TAOK2: variants seen among roughly 807,000 people sequenced by gnomAD.
TAOK2 encodes serine/threonine-protein kinase TAO2.
A neutral mutation model predicts 122.5 loss-of-function variants in TAOK2; 42 were observed. That is an observed-to-expected ratio of 0.34 (90% confidence interval 0.27 to 0.44). The LOEUF (loss-of-function observed/expected upper bound fraction) is 0.44, where lower values mean the gene tolerates loss of function less well. TAOK2 is among the 20% of genes least tolerant of loss of function. The probability of loss-of-function intolerance (pLI) is 1.00; values close to 1 mark genes in which losing one functional copy is unlikely to be tolerated. For missense variants in TAOK2, 1,264 were observed against 1,644.9 expected (o/e 0.77, Z 4.01); for synonymous variants, 704 against 677.6 (o/e 1.04, Z -0.61).
chr16:29,982,053 G>A, intron 10 of TAOK2, 113 bp downstream of exon 10: 1 of 857,024 alleles, frequency 1.2e-6, no homozygotes, highest in Non-Finnish European at 1.9e-6. Context: ...CTTCGTTGAT[G>A]AATTCCCACC....
Position 29,985,736 on chromosome 16 carries a change from T to C in TAOK2, c.1867T>C (p.Cys623Arg), listed in dbSNP as rs756991109. The part of the protein sequence containing the change: ...LLRQKEQLQQ[C>R]QAEEEAGLLR... Reference sequence around the variant, plus strand: ...GCGGCAGAAGGAGCAGCTCCAGCAGTGCCAGGCGGAGGAGGAAGCAGGGCT... The same window carrying C: ...GCGGCAGAAGGAGCAGCTCCAGCAGCGCCAGGCGGAGGAGGAAGCAGGGCT... The change falls in exon 15 of 16, where the codon TGC becomes CGC. Residue 623 changes from cysteine to arginine, a missense_variant. By Grantham distance (180) the Cys-to-Arg change is radical. Coordinates refer to ENST00000308893, the MANE Select transcript of TAOK2 (RefSeq NM_016151.4). This position sits in a 1 kb window ranked among gnomAD's most constrained non-coding sequence, Gnocchi z 6.9. The C allele has an allele frequency of 1.9e-6, 3 of 1,609,902 alleles. No homozygotes were observed. Among genetic ancestry groups the C allele is most frequent in the African/African-American group, 2.7e-5 (2 of 74,808 alleles).
chr16:29,988,117 T>C lies in TAOK2; in HGVS notation c.*137T>C. On this transcript the variant is annotated 3_prime_UTR_variant, in exon 16 of 16. Transcript: ENST00000308893. ...TGCTCACTTACCCCAGGCCCAGCCC[T>C]TCGGACCTCTAGACAGGCAGCCTCC... is the stretch of plus-strand genomic sequence containing the variant. 6 of 1,433,500 alleles carry C rather than the reference T, an allele frequency of 4.2e-6. No individual in the cohort carries two copies. The South Asian group carries it at 9.0e-5, about 21-fold the overall frequency. 88.8% of individuals were successfully genotyped at this position (1,433,500 alleles called of 1,614,324 possible).
Position 29,983,056 on chromosome 16 carries a change from T to C in TAOK2, c.1000-16T>C, listed in dbSNP as rs1250053793. ...GCTTCCCCTTCCCTGTCCAGCAGCCTACGCCCTGTTCGCAGGAGGCCGAGC... is the reference window on the plus strand; with the variant it reads ...GCTTCCCCTTCCCTGTCCAGCAGCCCACGCCCTGTTCGCAGGAGGCCGAGC... On this transcript the variant is annotated splice_polypyrimidine_tract_variant and intron_variant, in intron 11 of 15. Transcript: ENST00000308893. 9 of 1,613,688 alleles carry C rather than the reference T, an allele frequency of 5.6e-6. No homozygotes were observed. The East Asian group carries it at 1.6e-4, about 28-fold the overall frequency.
Position 29,983,648 on chromosome 16 carries a change from T to C in TAOK2, c.1406T>C (p.Ile469Thr). The change falls in exon 13 of 16, where the codon ATC (isoleucine) becomes ACC (threonine). Residue 469 changes from isoleucine (I) to threonine (T), a missense_variant. Physicochemically the swap from Ile to Thr is moderately conservative, Grantham distance 89. This residue lies in a region of TAOK2 where 64 missense variants were observed against 115.7 expected (regional missense o/e 0.55). Transcript: ENST00000308893. ...CGTAACCGAGACCACTTTGCCACCA[T>C]CCGAACCGCCTCCCTGGTGAGTGTA... ...YCRNRDHFAT[I>T]RTASLVSRQI... The C allele has an allele frequency of 6.2e-7, 1 of 1,611,908 alleles. No individual in the cohort carries two copies. Among genetic ancestry groups the C allele is most frequent in the Non-Finnish European group, 8.5e-7 (1 of 1,179,474 alleles).
chr16:29,985,987 C>T lies in TAOK2; in HGVS notation c.1992+126C>T. 2.4e-6 allele frequency: 3 copies of T among 1,229,380 alleles called. No homozygotes were observed. The highest frequency in any genetic ancestry group is 3.4e-6 in the Non-Finnish European group (3 of 884,656). 76.2% of individuals were successfully genotyped at this position (1,229,380 alleles called of 1,614,324 possible). Reference sequence around the variant, plus strand: ...CGAGTGTTACAGTTCAGCTTTGCTTCAGTGCCCCTTTTACTTCTCATCCCC... The same window carrying T: ...CGAGTGTTACAGTTCAGCTTTGCTTTAGTGCCCCTTTTACTTCTCATCCCC... On this transcript the variant is annotated intron_variant, in intron 15 of 15. Transcript: ENST00000308893. The surrounding 1 kb of genome is among the most constrained non-coding windows in gnomAD (Gnocchi z 6.9).
chr16:29,978,596 G>A (rs957684153), intron 4 of TAOK2, among the ~76,000 whole-genome samples: 1 of 152,140 alleles, frequency 6.6e-6, no homozygotes, highest in Non-Finnish European at 1.5e-5. Context: ...TTGAATGGGA[G>A]TTTGAAGGGA....
At chr16:29,988,616 A>C, downstream of TAOK2, 2 of 985,284 alleles carry the variant, frequency 2.0e-6, no homozygotes, top group South Asian at 9.4e-5. Flanking sequence ...ACTTCACCGA[A>C]CTTCTTGGTC....
In TAOK2 at chr16:29,983,074, G is replaced by A. The variant is rs1460662125; in HGVS notation, c.1002G>A (p.Glu334=). ...AGCAGCCTACGCCCTGTTCGCAGGA[G>A]GCCGAGCCCTACATGCACCGGGCCG... ...PGAEAPEEEE[E]AEPYMHRAGT... is the part of the protein sequence containing the mutation. The change falls in exon 12 of 16, where the codon GAG becomes GAA. Residue 334 remains glutamate, a splice_region_variant and synonymous_variant. Coordinates refer to ENST00000308893, the MANE Select transcript of TAOK2 (RefSeq NM_016151.4). 6.2e-7 allele frequency: 1 copy of A among 1,613,928 alleles called. No homozygotes were observed. Among genetic ancestry groups the A allele is most frequent in the Admixed American group, 1.7e-5 (1 of 60,006 alleles).
chr16:29,978,889 G>A, intron 5 of TAOK2, 45 bp downstream of exon 5: 2 of 1,613,840 alleles, frequency 1.2e-6, no homozygotes, highest in Non-Finnish European at 1.7e-6. Context: ...AGAAGAGCAG[G>A]GGAGCCATAG....
downstream of TAOK2, chr16:29,988,418 C>T (rs904732113): frequency 1.5e-5 from 19 of 1,294,622 alleles, no homozygotes; most frequent in Non-Finnish European, 1.8e-5. Context: ...CAGGCTGCCT[C>T]TGTCTGCTTT....
chr16:29,988,035 G>C lies in TAOK2; in HGVS notation c.*55G>C. On this transcript the variant is annotated 3_prime_UTR_variant, in exon 16 of 16. Transcript: ENST00000308893. The stretch of plus-strand genomic sequence containing the variant: ...GAGCATTGAGCACTTTATCTCCCAC[G>C]ACTCAGTGAAGTTTCTCCAGTCCCT... 1 of 1,483,280 alleles carries C rather than the reference G, an allele frequency of 6.7e-7. No homozygotes were observed. Among genetic ancestry groups the C allele is most frequent in the Admixed American group, 2.4e-5 (1 of 42,306 alleles). 91.9% of individuals were successfully genotyped at this position (1,483,280 alleles called of 1,614,324 possible). A position where few individuals can be genotyped will look rare whatever the true frequency, so the allele number is the denominator to read the frequency against.
Position 29,985,291 on chromosome 16 carries a change from C to A in TAOK2, c.1501C>A (p.Gln501Lys), listed in dbSNP as rs1338177122. ...QLSGYKRMRRQHQKQLLALES... is the reference protein window; with the variant it reads ...QLSGYKRMRRKHQKQLLALES... ...GAGCGGCTATAAGCGGATGCGACGA[C>A]AGCACCAGAAGCAGCTGCTGGCCCT... The change falls in exon 14 of 16, where the codon CAG becomes AAG. Residue 501 changes from glutamine to lysine, a missense_variant. Coordinates refer to ENST00000308893, the MANE Select transcript of TAOK2 (RefSeq NM_016151.4). The surrounding 1 kb of genome is among the most constrained non-coding windows in gnomAD (Gnocchi z 6.9). The A allele has an allele frequency of 6.2e-7, 1 of 1,601,822 alleles. No homozygotes were observed. Among genetic ancestry groups the A allele is most frequent in the Non-Finnish European group, 8.5e-7 (1 of 1,172,730 alleles).
intron 13 of TAOK2, 151 bp downstream of exon 13, chr16:29,983,815 C>T: frequency 8.0e-7 from 1 of 1,252,012 alleles, no homozygotes; most frequent in South Asian, 1.5e-5. Flanking sequence ...CCTTAACCCT[C>T]CTGCTTCCCT....
At position 29,987,036 on chromosome 16, in the gene TAOK2, C is replaced by T; in HGVS notation, c.2764C>T (p.Pro922Ser). The change falls in exon 16 of 16, where the codon CCT becomes TCT. Residue 922 changes from proline (P) to serine (S), a missense_variant. Pro to Ser is a moderately conservative substitution (Grantham distance 74, BLOSUM62 -1). Coordinates refer to ENST00000308893, the MANE Select transcript of TAOK2 (RefSeq NM_016151.4). ...CCCTAGGGATCCTGGAGATGGTTGT[C>T]CTTCCCCCGACATCCCTCCTGAACC... is the stretch of plus-strand genomic sequence containing the variant. ...GTPRDPGDGC[P>S]SPDIPPEPPP... The T allele has an allele frequency of 6.2e-7, 1 of 1,612,090 alleles. No homozygotes were observed. The highest frequency in any genetic ancestry group is 8.5e-7 in the Non-Finnish European group (1 of 1,178,822).
At position 29,983,491 on chromosome 16, in the gene TAOK2, A is replaced by C; in HGVS notation, c.1261-12A>C. ...CCTCTGAGCCTTGGGTGTTCCTTCTATCTCCCTCTAGGGCTCTGACAACCT... is the reference window on the plus strand; with the variant it reads ...CCTCTGAGCCTTGGGTGTTCCTTCTCTCTCCCTCTAGGGCTCTGACAACCT... On this transcript the variant is annotated splice_polypyrimidine_tract_variant and intron_variant, in intron 12 of 15. Coordinates refer to ENST00000308893, the MANE Select transcript of TAOK2 (RefSeq NM_016151.4). The C allele has an allele frequency of 1.3e-6, 2 of 1,598,216 alleles. No individual in the cohort carries two copies. Among genetic ancestry groups the C allele is most frequent in the South Asian group, 2.2e-5 (2 of 90,160 alleles).
In TAOK2 at chr16:29,985,520, C is replaced by T. The variant is rs2069757838; in HGVS notation, c.1730C>T (p.Ala577Val). 6.2e-7 allele frequency: 1 copy of T among 1,610,096 alleles called. No homozygotes were observed. The highest frequency in any genetic ancestry group is 8.5e-7 in the Non-Finnish European group (1 of 1,177,928). The change falls in exon 14 of 16, where the codon GCT becomes GTT. Residue 577 changes from alanine to valine, a missense_variant. Ala to Val is a moderately conservative substitution (Grantham distance 64). Around this residue, in one of 4 missense-constraint regions of TAOK2, gnomAD observed 824 missense variants for 908.7 expected, o/e 0.91. Coordinates refer to ENST00000308893, the MANE Select transcript of TAOK2 (RefSeq NM_016151.4). The surrounding 1 kb of genome is among the most constrained non-coding windows in gnomAD (Gnocchi z 6.9). ...HILGQQKKEL[A>V]ALLEAQKRTY... ...CTTGGGCAGCAGAAGAAGGAGCTGGCTGCCCTGCTGGAGGCACAGAAGCGG... is the reference window on the plus strand; with the variant it reads ...CTTGGGCAGCAGAAGAAGGAGCTGGTTGCCCTGCTGGAGGCACAGAAGCGG...
rs1374864236 is a variant in TAOK2, at chr16:29,986,109, C to T, written c.1993-156C>T. Among the ~76,000 whole-genome samples, 2 of 152,158 alleles carry T rather than the reference C, an allele frequency of 1.3e-5. No homozygotes were observed. Among genetic ancestry groups the T allele is most frequent in the Non-Finnish European group, 2.9e-5 (2 of 68,012 alleles). On this transcript the variant is annotated intron_variant, in intron 15 of 15. Transcript: ENST00000308893. The surrounding 1 kb of genome is among the most constrained non-coding windows in gnomAD (Gnocchi z 4.2). ...CATCTCCTGCCATCCCCAGCTCCCT[C>T]TGCCAAGGAGCCCTGGCCCCTCACT...
Position 29,986,691 on chromosome 16 carries a change from G to A in TAOK2, c.2419G>A (p.Ala807Thr), listed in dbSNP as rs762396870. ...GERRILGKEG[A>T]TLEPKQQRIL... ...GAGAAGGATTCTGGGAAAGGAAGGG[G>A]CCACTTTGGAGCCCAAGCAGCAGAG... The change falls in exon 16 of 16, where the codon GCC becomes ACC. Residue 807 changes from alanine (A) to threonine (T), a missense_variant. Transcript: ENST00000308893. The surrounding 1 kb of genome is among the most constrained non-coding windows in gnomAD (Gnocchi z 4.2). 2 of 1,613,674 alleles carry A rather than the reference G, an allele frequency of 1.2e-6. No homozygotes were observed. The highest frequency in any genetic ancestry group is 1.3e-5 in the African/African-American group (1 of 74,884).
In TAOK2 at chr16:29,979,580, C is replaced by T; in HGVS notation, c.655+72C>T. 1.6e-6 allele frequency: 2 copies of T among 1,243,664 alleles called. No homozygotes were observed. The highest frequency in any genetic ancestry group is 2.2e-6 in the Non-Finnish European group (2 of 917,808). The allele number at this position is 1,243,664 out of a possible 1,614,324, so 77.0% of individuals were successfully genotyped here. On this transcript the variant is annotated intron_variant, in intron 8 of 15. Coordinates refer to ENST00000308893, the MANE Select transcript of TAOK2 (RefSeq NM_016151.4). The surrounding 1 kb of genome is among the most constrained non-coding windows in gnomAD (Gnocchi z 4.1). ...TGTTAGTTCCCAGACTCCGGACTAC[C>T]CCCTTCTCCTAGGGATGGGATCCCA...
Sources: allele counts gnomAD v4.1 joint callset (sites outside exome capture counted in the v4.1 genomes callset), GRCh38; gene constraint gnomAD v4.1.1; regional missense constraint gnomAD v4.1.1; non-coding constraint Gnocchi (gnomAD v3.1); transcripts MANE v1.5; gene names NCBI Gene and HGNC (gene_info 2026-07-23, HGNC 2026-07-21).